TOX: variants seen among roughly 807,000 people sequenced by gnomAD.
TOX encodes thymocyte selection-associated high mobility group box protein TOX.
TOX carries 11 observed loss-of-function variants against 53.7 expected under a neutral mutation model. That is an observed-to-expected ratio of 0.20 (90% confidence interval 0.13 to 0.34). TOX has a LOEUF of 0.34. Ranked by LOEUF, TOX falls within the 10% of genes least tolerant of loss-of-function variation. The probability of loss-of-function intolerance (pLI) is 1.00; values close to 1 mark genes in which losing one functional copy is unlikely to be tolerated. For missense variants in TOX, 570 were observed against 664.6 expected (o/e 0.86, Z 1.56); for synonymous variants, 225 against 245.3 (o/e 0.92, Z 0.77).
At chr8:59,031,720 G>A (rs1037507787) in intron 1 of TOX, among the ~76,000 whole-genome samples, 2 of 152,216 alleles carry the variant, frequency 1.3e-5, no homozygotes, top group Non-Finnish European at 2.9e-5. Flanking sequence ...ATGACAACAA[G>A]CTAGCTTCAA....
chr8:58,867,293 TA>T (rs962031935), intron 3 of TOX, among the ~76,000 whole-genome samples: 3 of 151,862 alleles, frequency 2.0e-5, no homozygotes, highest in East Asian at 1.9e-4. Context: ...TCTTTTTTAA[TA>T]AAAAAAAGGG....
At chr8:58,930,553 A>ACCAGC (rs376211070) in intron 3 of TOX, among the ~76,000 whole-genome samples, 115 of 152,330 alleles carry the variant, frequency 7.5e-4, no homozygotes, top group African/African-American at 2.6e-3. Flanking sequence ...CACATGAAGC[A>ACCAGC]CCAGCATGAT....
chr8:59,074,021 A>C (rs1804248469), intron 1 of TOX, among the ~76,000 whole-genome samples: 1 of 152,152 alleles, frequency 6.6e-6, no homozygotes, highest in African/African-American at 2.4e-5. Flanking sequence ...AATAATTTCA[A>C]TCTTCCACTT....
intron 1 of TOX, among the ~76,000 whole-genome samples, chr8:59,087,266 G>A (rs920149083): frequency 1.3e-5 from 2 of 152,118 alleles, no homozygotes; most frequent in Non-Finnish European, 2.9e-5. Flanking sequence ...CCGTTTTCAT[G>A]AATTTTGCCT....
chr8:58,851,660 T>G lies in TOX; in HGVS notation c.557A>C (p.Gln186Pro). The change falls in exon 4 of 9, where the codon CAG becomes CCG. Residue 186 changes from glutamine to proline, a missense_variant. Physicochemically the swap from Gln to Pro is moderately conservative, Grantham distance 76 (BLOSUM62 -1). Coordinates refer to ENST00000361421, the MANE Select transcript of TOX (RefSeq NM_014729.3). This position sits in a 1 kb window ranked among gnomAD's most constrained non-coding sequence, Gnocchi z 4.4. ...HGQLTTINQS[Q>P]LSAQLGLNMG... ...ATTCAAACCAAGTTGAGCACTTAGCTGTGACTGGTTAATGGTAGTCAGCTG... is the reference window on the plus strand; with the variant it reads ...ATTCAAACCAAGTTGAGCACTTAGCGGTGACTGGTTAATGGTAGTCAGCTG... 6.2e-7 allele frequency: 1 copy of G among 1,613,748 alleles called. No homozygotes were observed. Among genetic ancestry groups the G allele is most frequent in the Non-Finnish European group, 8.5e-7 (1 of 1,179,860 alleles).
At chr8:58,828,102 A>T (rs138733176) in intron 5 of TOX, among the ~76,000 whole-genome samples, 184 of 152,320 alleles carry the variant, frequency 1.2e-3, no homozygotes, top group African/African-American at 4.2e-3. Context: ...ATGTCTAAAG[A>T]CCAAATATCT....
At chr8:59,014,332 T>C (rs1304370335) in intron 1 of TOX, among the ~76,000 whole-genome samples, 1 of 152,364 alleles carries the variant, frequency 6.6e-6, no homozygotes, top group East Asian at 1.9e-4. Flanking sequence ...TGGGTTCACA[T>C]TGGACGCCTC....
rs35347981 is a variant in TOX, at chr8:58,838,699, C to CTTTTTTTTTTTTTTT, written c.694-403_694-389dup. 3.2e-4 allele frequency among the ~76,000 whole-genome samples: 28 copies of CTTTTTTTTTTTTTTT among 88,876 alleles called. 3 individuals are homozygous for CTTTTTTTTTTTTTTT. The highest frequency in any genetic ancestry group is 1.3e-3 in the African/African-American group (22 of 16,728). 58.3% of individuals were successfully genotyped at this position (88,876 alleles called of 152,430 possible). ...TTTCTTCTAAGGAAGTTATCCTTGT[C>CTTTTTTTTTTTTTTT]TTTTTTTTTTTTTTTTTTTTTGAGA... On this transcript the variant is annotated intron_variant, in intron 4 of 8. Transcript: ENST00000361421.
rs1157742344 is a variant in TOX, at chr8:58,807,694, T to C, written c.*53A>G. ...TGCCTTGACTGTACAAAGCAATCCA[T>C]GGTGAAAACACTTCCCTGAATTCCT... On this transcript the variant is annotated 3_prime_UTR_variant, in exon 9 of 9. Coordinates refer to ENST00000361421, the MANE Select transcript of TOX (RefSeq NM_014729.3). 1.9e-6 allele frequency: 3 copies of C among 1,601,596 alleles called. No individual in the cohort carries two copies. The South Asian group carries it at 3.3e-5, about 18-fold the overall frequency.
chr8:59,015,428 CCACT>C (rs1205730789), intron 1 of TOX, among the ~76,000 whole-genome samples: 2 of 152,140 alleles, frequency 1.3e-5, no homozygotes, highest in East Asian at 1.9e-4. Context: ...ATAAATATAC[CCACT>C]ATCTCTGAAT....
chr8:58,903,177 G>C (rs549947772), intron 3 of TOX, among the ~76,000 whole-genome samples: 89 of 152,304 alleles, frequency 5.8e-4, no homozygotes, highest in African/African-American at 2.1e-3. Context: ...ACAGACCCTG[G>C]AGAGAAGACA....
intron 1 of TOX, among the ~76,000 whole-genome samples, chr8:59,041,095 T>TGTG (rs1803580519): frequency 6.6e-6 from 1 of 151,812 alleles, no homozygotes; most frequent in African/African-American, 2.4e-5. Context: ...TGTGTGTGTG[T>TGTG]GTGTGTGTGT....
chr8:59,030,033 A>G (rs1814325352), intron 1 of TOX, among the ~76,000 whole-genome samples: 1 of 152,164 alleles, frequency 6.6e-6, no homozygotes, highest in African/African-American at 2.4e-5. Flanking sequence ...TATTTTTATA[A>G]TACTGATACA....
At chr8:58,995,257 T>C (rs1813540505) in intron 1 of TOX, among the ~76,000 whole-genome samples, 1 of 152,232 alleles carries the variant, frequency 6.6e-6, no homozygotes, top group African/African-American at 2.4e-5. Context: ...TTTGGTTTTT[T>C]TGTTTTGTAT....
At chr8:59,089,849 G>T (rs561226556) in intron 1 of TOX, among the ~76,000 whole-genome samples, 1 of 152,304 alleles carries the variant, frequency 6.6e-6, no homozygotes, top group African/African-American at 2.4e-5. Context: ...CTCACAAAAT[G>T]CTGGGATTAC....
At chr8:58,996,340 G>A (rs1218578900) in intron 1 of TOX, among the ~76,000 whole-genome samples, 1 of 152,152 alleles carries the variant, frequency 6.6e-6, no homozygotes, top group Non-Finnish European at 1.5e-5. Flanking sequence ...AATTTTAAGG[G>A]TCTTCTCTTC....
chr8:59,008,950 T>C (rs1051566041), intron 1 of TOX, among the ~76,000 whole-genome samples: 1 of 152,208 alleles, frequency 6.6e-6, no homozygotes, highest in African/African-American at 2.4e-5. Flanking sequence ...AAGATTTCAA[T>C]AGATATGATA....
intron 1 of TOX, among the ~76,000 whole-genome samples, chr8:59,016,127 A>T (rs974457499): frequency 6.6e-6 from 1 of 152,194 alleles, no homozygotes; most frequent in African/African-American, 2.4e-5. Flanking sequence ...TCTTAAAAAA[A>T]ATCATTTTTT....
At chr8:58,937,131 C>T (rs574741677) in intron 3 of TOX, among the ~76,000 whole-genome samples, 2 of 152,290 alleles carry the variant, frequency 1.3e-5, no homozygotes, top group African/African-American at 4.8e-5. Context: ...GCACAGGAGA[C>T]GTGCAGCTCC....
Sources: gnomAD v4.1 joint callset for allele counts (sites outside exome capture counted in the v4.1 genomes callset) on GRCh38, gnomAD v4.1.1 for gene constraint, Gnocchi (gnomAD v3.1) non-coding constraint, MANE v1.5 for transcripts, NCBI Gene and HGNC (gene_info 2026-07-23, HGNC 2026-07-21) for gene names.